Variants in PCDHA1 observed in about 807,000 individuals in gnomAD.
The protein encoded by PCDHA1 is protocadherin alpha 1.
A neutral mutation model predicts 61.3 loss-of-function variants in PCDHA1; 42 were observed. The ratio of observed to expected loss-of-function variants is 0.69; its 90% CI spans 0.54 to 0.89. The LOEUF (loss-of-function observed/expected upper bound fraction) is 0.89. Among genes scored for constraint, PCDHA1 ranks in the 40% least tolerant of loss-of-function variants. The pLI, the probability that PCDHA1 is intolerant of heterozygous loss-of-function variation, is 0.00. For synonymous variants in PCDHA1, 610 were observed against 553.8 expected (o/e 1.10, Z -1.43); for missense variants, 1,256 against 1,235.3 (o/e 1.02, Z -0.25).
chr5:141,001,461 C>G (rs2098019350), intron 3 of PCDHA1, among the ~76,000 whole-genome samples: 1 of 152,214 alleles, frequency 6.6e-6, no homozygotes, highest in South Asian at 2.1e-4. Context: ...AATTGAAGGA[C>G]TAAGCAGCAG....
Position 140,883,115 on chromosome 5 carries a change from AGGCCTGTAT to A in PCDHA1, c.2394+94438_2394+94446del, listed in dbSNP as rs2059447979. The A allele has an allele frequency of 1.9e-6, 3 of 1,613,978 alleles. No homozygotes were observed. The South Asian group carries it at 3.3e-5, about 18-fold the overall frequency. ...TGGAGATATAGTTTACTCATTTAGA[AGGCCTGTAT>A]GGCCTGCAGTGGTATATGCATTTAC... On this transcript the variant is annotated intron_variant, in intron 1 of 3. Transcript: ENST00000504120.
intron 1 of PCDHA1, among the ~76,000 whole-genome samples, chr5:140,791,221 T>A (rs1432445936): frequency 6.6e-6 from 1 of 152,216 alleles, no homozygotes; most frequent in African/African-American, 2.4e-5. Context: ...TCTGTTATTT[T>A]GAGGTAGCAC....
intron 1 of PCDHA1, chr5:140,884,678 A>T (rs781881057): frequency 1.0e-5 from 16 of 1,553,210 alleles, no homozygotes; most frequent in South Asian, 4.9e-5. Context: ...CTTATATTTT[A>T]AAAAATTGTC....
rs782506725 is a variant in PCDHA1, at chr5:140,786,904, C to T, written c.614C>T (p.Thr205Ile). The T allele has an allele frequency of 1.2e-5, 19 of 1,614,012 alleles. No individual in the cohort carries two copies. The highest frequency in any genetic ancestry group is 3.3e-5 in the South Asian group (3 of 91,094). The change falls in exon 1 of 4, where the codon ACA (threonine) becomes ATA (isoleucine). Residue 205 changes from threonine to isoleucine, a missense_variant. Physicochemically the swap from Thr to Ile is moderately conservative, Grantham distance 89. Coordinates refer to ENST00000504120, the MANE Select transcript of PCDHA1 (RefSeq NM_018900.4). ...ELRKYLDREETPELHLLLTAT... is the reference protein window; with the variant it reads ...ELRKYLDREEIPELHLLLTAT... ...AGAAAATATTTGGATAGAGAAGAAA[C>T]ACCAGAACTTCACTTATTACTGACT...
intron 1 of PCDHA1, chr5:140,789,006 G>A: frequency 2.6e-6 from 1 of 384,070 alleles, no homozygotes; most frequent in Non-Finnish European, 4.5e-6. Flanking sequence ...TGACATATTC[G>A]GGGTAACTTA....
intron 3 of PCDHA1, among the ~76,000 whole-genome samples, chr5:141,008,162 G>A (rs1280112352): frequency 6.6e-6 from 1 of 152,128 alleles, no homozygotes; most frequent in East Asian, 1.9e-4. Flanking sequence ...ATAAGATGAG[G>A]ACTAAAATGT....
At position 140,848,822 on chromosome 5, in the gene PCDHA1, CG is replaced by C. The variant is rs2150421614; in HGVS notation, c.2394+60139del. ...AGTGCAGCATCCACCTGGAGGTGAT[CG>C]TAGACAGGCCGCTGCAGGTTTTCCA... is the stretch of plus-strand genomic sequence containing the variant. On this transcript the variant is annotated intron_variant, in intron 1 of 3. Coordinates refer to ENST00000504120, the MANE Select transcript of PCDHA1 (RefSeq NM_018900.4). 4.4e-6 allele frequency: 7 copies of C among 1,590,462 alleles called. 1 individual carries two copies. Among genetic ancestry groups the C allele is most frequent in the Admixed American group, 3.4e-5 (2 of 58,802 alleles).
intron 1 of PCDHA1, among the ~76,000 whole-genome samples, chr5:140,964,891 G>A (rs76642459): frequency 0.016 from 2,494 of 152,302 alleles, 68 homozygotes; most frequent in African/African-American, 0.056. Context: ...AGTGATAGGA[G>A]GCTGGGCGCT....
chr5:140,992,154 C>T (rs2097495252), intron 3 of PCDHA1, among the ~76,000 whole-genome samples: 1 of 151,952 alleles, frequency 6.6e-6, no homozygotes. Flanking sequence ...TTTGCTCAAT[C>T]AAGAAGTGTG....
At chr5:140,904,199 C>A (rs2070936424) in intron 1 of PCDHA1, among the ~76,000 whole-genome samples, 1 of 151,944 alleles carries the variant, frequency 6.6e-6, no homozygotes, top group Non-Finnish European at 1.5e-5. Flanking sequence ...CCCTTTCCCC[C>A]TAAGTCCCCA....
At chr5:140,796,682 CTGCTGGCGCAGT>C in intron 1 of PCDHA1, 1 of 1,613,908 alleles carries the variant, frequency 6.2e-7, no homozygotes, top group Non-Finnish European at 8.5e-7. Context: ...GCTGGCACCG[CTGCTGGCGCAGT>C]GAGTGAGCTG....
At chr5:141,008,707 T>C (rs1255261995) in intron 3 of PCDHA1, among the ~76,000 whole-genome samples, 1 of 152,216 alleles carries the variant, frequency 6.6e-6, no homozygotes, top group Non-Finnish European at 1.5e-5. Flanking sequence ...TGGTTTCTAG[T>C]TGCTTGAGTG....
intron 3 of PCDHA1, 34 bp from the exon 4 acceptor site, chr5:141,009,593 C>G: frequency 6.2e-7 from 1 of 1,602,020 alleles, no homozygotes; most frequent in South Asian, 1.1e-5. Flanking sequence ...CATGTGTTGA[C>G]CCTGTTAATG....
intron 1 of PCDHA1, chr5:140,856,390 G>C: frequency 6.3e-7 from 1 of 1,598,554 alleles, no homozygotes; most frequent in South Asian, 1.1e-5. Flanking sequence ...GGCCGCTGCA[G>C]GTTTTCCATG....
intron 1 of PCDHA1, chr5:140,842,295 A>T (rs2150333615): frequency 2.5e-6 from 4 of 1,610,380 alleles, no homozygotes; most frequent in Non-Finnish European, 3.4e-6. Flanking sequence ...GCCACGGACA[A>T]AGGCCATCCT....
At chr5:140,969,004 T>C (rs1554231338) in intron 1 of PCDHA1, 2 of 1,614,060 alleles carry the variant, frequency 1.2e-6, no homozygotes, top group East Asian at 2.2e-5. Flanking sequence ...GAGGCTTCTG[T>C]GGAGTAAGGG....
rs781841380 is a variant in PCDHA1 at position 140,857,728 on chromosome 5, C to A, written c.2394+69044C>A. 89 of 1,597,306 alleles carry A rather than the reference C, an allele frequency of 5.6e-5. 11 individuals are homozygous for A. Among genetic ancestry groups the A allele is most frequent in the Non-Finnish European group, 7.3e-5 (85 of 1,167,718 alleles). On this transcript the variant is annotated intron_variant, in intron 1 of 3. Transcript: ENST00000504120. ...TGTTCGTGCTGGACGAGAACGACAA[C>A]GCTCCCGCGCTGCTGGCGTCTCCCG...
intron 1 of PCDHA1, chr5:140,843,430 C>T: frequency 6.3e-7 from 1 of 1,596,170 alleles, no homozygotes; most frequent in Non-Finnish European, 8.6e-7. Context: ...TGATCATCGC[C>T]ATCTGCGCGG....
intron 3 of PCDHA1, among the ~76,000 whole-genome samples, chr5:140,994,615 G>C (rs2097641272): frequency 6.6e-6 from 1 of 152,078 alleles, no homozygotes; most frequent in Admixed American, 6.6e-5. Context: ...TGAGGCACGA[G>C]AGTCACTTGA....
Sources: allele counts gnomAD v4.1 joint callset (sites outside exome capture counted in the v4.1 genomes callset), GRCh38; gene constraint gnomAD v4.1.1; transcripts MANE v1.5; gene names NCBI Gene and HGNC (gene_info 2026-07-23, HGNC 2026-07-21).